CCDC125: variants seen among roughly 807,000 people sequenced by gnomAD.
CCDC125 encodes the protein coiled-coil domain-containing protein 125.
CCDC125 carries 43 observed loss-of-function variants against 57.4 expected under a neutral mutation model. The ratio of observed to expected loss-of-function variants is 0.75; its 90% CI spans 0.59 to 0.97. The LOEUF (loss-of-function observed/expected upper bound fraction) is 0.97, where lower values mean the gene tolerates loss of function less well. Among genes scored for constraint, CCDC125 ranks in the 50% least tolerant of loss-of-function variants. The probability of loss-of-function intolerance (pLI) is 0.00; values close to 1 mark genes in which losing one functional copy is unlikely to be tolerated. For missense variants in CCDC125, 563 were observed against 595.7 expected, an observed-to-expected ratio of 0.95 and a Z score of 0.57; for synonymous variants, 187 against 195.2, an observed-to-expected ratio of 0.96 and a Z score of 0.35.
Position 69,290,629 on chromosome 5 carries a change from C to CTT in CCDC125, c.1099+1557_1099+1558dup, listed in dbSNP as rs373663120. The stretch of plus-strand genomic sequence containing the variant: ...GGTTTCTTTTTTTTTTCTTTTTTTT[C>CTT]TTTTTTTTTTTTTTTTGTTTGAGAC... On this transcript the variant is annotated intron_variant, in intron 10 of 11. Coordinates refer to ENST00000396496, the MANE Select transcript of CCDC125 (RefSeq NM_176816.5). Among the ~76,000 whole-genome samples the CTT allele has an allele frequency of 1.9e-3, 229 of 117,768 alleles. 2 individuals are homozygous for CTT. Among genetic ancestry groups the CTT allele is most frequent in the African/African-American group, 7.1e-3 (215 of 30,360 alleles). The allele number at this position is 117,768 out of a possible 152,430, so 77.3% of individuals were successfully genotyped here.
intron 2 of CCDC125, among the ~76,000 whole-genome samples, chr5:69,314,613 C>A (rs1199192875): frequency 6.6e-6 from 1 of 151,896 alleles, no homozygotes; most frequent in African/African-American, 2.4e-5. Context: ...AGAAACAAGC[C>A]TAGGCAACAC....
downstream of CCDC125, among the ~76,000 whole-genome samples, chr5:69,278,205 CTTTAT>C (rs71612524): frequency 9.4e-5 from 14 of 149,558 alleles, no homozygotes; most frequent in Admixed American, 2.7e-4. Flanking sequence ...TAAAAATTCA[CTTTAT>C]TTTATTTTTT....
At position 69,290,791 on chromosome 5, in the gene CCDC125, G is replaced by A. The variant is rs770963543; in HGVS notation, c.1099+1397C>T. ...ACTACAGGCGCCTGCGACCAAGCCCGGCTAATTTTTGTATTTTTAGTAGAG... is the reference window on the plus strand; with the variant it reads ...ACTACAGGCGCCTGCGACCAAGCCCAGCTAATTTTTGTATTTTTAGTAGAG... On this transcript the variant is annotated intron_variant, in intron 10 of 11. Transcript: ENST00000396496. 4.6e-4 allele frequency among the ~76,000 whole-genome samples: 69 copies of A among 150,350 alleles called. No individual in the cohort carries two copies. In the Middle Eastern group the frequency reaches 0.011, roughly 23 times the overall value.
At position 69,329,499 on chromosome 5, in the gene CCDC125, C is replaced by CTT. The variant is rs535306741; in HGVS notation, c.-41+3148_-41+3149dup. Among the ~76,000 whole-genome samples the CTT allele has an allele frequency of 5.1e-3, 489 of 95,206 alleles. 1 individual carries two copies. Among genetic ancestry groups the CTT allele is most frequent in the Middle Eastern group, 9.3e-3 (1 of 108 alleles). The allele number at this position is 95,206 out of a possible 152,430, so 62.5% of individuals were successfully genotyped here. On this transcript the variant is annotated intron_variant, in intron 1 of 11. Coordinates refer to ENST00000396496, the MANE Select transcript of CCDC125 (RefSeq NM_176816.5). The stretch of plus-strand genomic sequence containing the variant: ...CACCATGCCCAGCCAGGATTCAAGT[C>CTT]TTTTTTTTTTTTTTTTTTTTTGAGA...
At chr5:69,313,312 C>A in intron 3 of CCDC125, 1 of 782,398 alleles carries the variant, frequency 1.3e-6, no homozygotes, top group Admixed American at 2.3e-5. Context: ...GGGCAGCCTG[C>A]AACCCCCGAG....
intron 2 of CCDC125, among the ~76,000 whole-genome samples, chr5:69,316,524 A>G (rs776480099): frequency 6.6e-6 from 1 of 152,102 alleles, no homozygotes; most frequent in African/African-American, 2.4e-5. Context: ...GAAGGAACGC[A>G]CCCTGCCAAC....
downstream of CCDC125, among the ~76,000 whole-genome samples, chr5:69,277,944 G>GGC (rs1481419378): frequency 6.6e-6 from 1 of 152,128 alleles, no homozygotes; most frequent in Non-Finnish European, 1.5e-5. Context: ...GGAGTGCAGG[G>GGC]GCACAATCCC....
chr5:69,282,913 TTC>T lies in CCDC125; in HGVS notation c.1350_1351del (p.Asn451PhefsTer9), dbSNP rs778121130. 8.1e-6 allele frequency: 13 copies of T among 1,614,064 alleles called. No individual in the cohort carries two copies. The highest frequency in any genetic ancestry group is 6.7e-5 in the Admixed American group (4 of 60,008). ...ACGCCAGGGGTTGTTGAAAGGGAAA[TTC>T]TCTTTTATAGGATTTTTTTCTTTAT... On this transcript the variant is annotated frameshift_variant, in exon 12 of 12. Coordinates refer to ENST00000396496, the MANE Select transcript of CCDC125 (RefSeq NM_176816.5). LOFTEE classifies it low-confidence loss of function (END_TRUNC).
intron 5 of CCDC125, 110 bp downstream of exon 5, chr5:69,307,841 C>G: frequency 1.3e-6 from 1 of 780,738 alleles, no homozygotes; most frequent in Non-Finnish European, 2.2e-6. Flanking sequence ...CTGAAGCACA[C>G]CTAGCAGAAG....
intron 8 of CCDC125, among the ~76,000 whole-genome samples, chr5:69,297,682 G>A (rs958202604): frequency 1.3e-5 from 2 of 150,850 alleles, no homozygotes; most frequent in Non-Finnish European, 3.0e-5. Flanking sequence ...GTTTCATATG[G>A]GCTAGGTATG....
In CCDC125 at chr5:69,305,726, A is replaced by C. The variant is rs148871787; in HGVS notation, c.617+1091T>G. Among the ~76,000 whole-genome samples, 1,471 of 152,308 alleles carry C rather than the reference A, an allele frequency of 9.7e-3. 28 individuals carry two copies. Among genetic ancestry groups the C allele is most frequent in the African/African-American group, 0.033 (1,374 of 41,556 alleles). On this transcript the variant is annotated intron_variant, in intron 6 of 11. Coordinates refer to ENST00000396496, the MANE Select transcript of CCDC125 (RefSeq NM_176816.5). Reference sequence around the variant, plus strand: ...AGTTGTGCAAGCCTGCACCGAGTCAAGCAGCTGACTGACAACCACCTCCTC... The same window carrying C: ...AGTTGTGCAAGCCTGCACCGAGTCACGCAGCTGACTGACAACCACCTCCTC...
chr5:69,298,056 A>AC (rs1175635053), intron 8 of CCDC125, among the ~76,000 whole-genome samples: 1 of 150,876 alleles, frequency 6.6e-6, no homozygotes, highest in Non-Finnish European at 1.5e-5. Context: ...CCGCTCTGTC[A>AC]CCAGGCTGGA....
At chr5:69,295,929 G>A (rs1053138065) in intron 8 of CCDC125, among the ~76,000 whole-genome samples, 6 of 150,942 alleles carry the variant, frequency 4.0e-5, no homozygotes, top group African/African-American at 9.7e-5. Context: ...TGTCACCCAG[G>A]CTGGAGTGCA....
intron 1 of CCDC125, among the ~76,000 whole-genome samples, chr5:69,324,628 G>T (rs975931776): frequency 1.3e-5 from 2 of 152,190 alleles, no homozygotes; most frequent in African/African-American, 4.8e-5. Context: ...ATATTTGTCA[G>T]TAAAGAACAA....
At chr5:69,285,136 A>AC (rs75777144) in intron 11 of CCDC125, among the ~76,000 whole-genome samples, 2 of 151,528 alleles carry the variant, frequency 1.3e-5, no homozygotes, top group African/African-American at 2.4e-5. Flanking sequence ...ACAAAACAAA[A>AC]AAATACACTA....
chr5:69,289,393 A>G (rs2150332311), intron 10 of CCDC125, among the ~76,000 whole-genome samples: 1 of 152,318 alleles, frequency 6.6e-6, no homozygotes, highest in Middle Eastern at 3.4e-3. Context: ...AGAACCAGGT[A>G]TTCTTAGTGT....
At chr5:69,311,871 T>C (rs1042315539) in intron 3 of CCDC125, among the ~76,000 whole-genome samples, 2 of 152,004 alleles carry the variant, frequency 1.3e-5, no homozygotes, top group Non-Finnish European at 2.9e-5. Flanking sequence ...GTAGCTGGGA[T>C]TGCAGGCATG....
At chr5:69,284,683 T>G (rs1248781475) in intron 11 of CCDC125, among the ~76,000 whole-genome samples, 1 of 152,128 alleles carries the variant, frequency 6.6e-6, no homozygotes, top group Non-Finnish European at 1.5e-5. Context: ...TCTAGAGAGA[T>G]AAAGAGTTGA....
chr5:69,293,965 T>C (rs1379780284), intron 9 of CCDC125: 1 of 154,862 alleles, frequency 6.5e-6, no homozygotes, highest in Non-Finnish European at 1.4e-5. Context: ...ACAACAATCA[T>C]CCAAGGTAGT....
Sources: gnomAD v4.1 joint callset for allele counts (sites outside exome capture counted in the v4.1 genomes callset) on GRCh38, gnomAD v4.1.1 for gene constraint, MANE v1.5 for transcripts, NCBI Gene and HGNC (gene_info 2026-07-23, HGNC 2026-07-21) for gene names.